The following DTX2 variants were observed in gnomAD, a reference collection of about 807,000 sequenced individuals.
The protein encoded by DTX2 is probable E3 ubiquitin-protein ligase DTX2.
Under a neutral mutation model 55.3 loss-of-function variants are expected in DTX2, and 29 were observed. The ratio of observed to expected loss-of-function variants is 0.52; its 90% CI spans 0.39 to 0.71. DTX2 has a LOEUF of 0.71. DTX2 is among the 30% of genes least tolerant of loss of function. DTX2 has a pLI of 0.00. For synonymous variants in DTX2, 276 were observed against 340.4 expected, an observed-to-expected ratio of 0.81 and a Z score of 2.08; for missense variants, 537 against 822.5, an observed-to-expected ratio of 0.65 and a Z score of 4.25.
chr7:76,500,005 G>A, intron 6 of DTX2: 1 of 391,036 alleles, frequency 2.6e-6, no homozygotes, highest in Non-Finnish European at 5.1e-6. Flanking sequence ...CCTTGTCCCT[G>A]TGATGTTCAT....
intron 2 of DTX2, among the ~76,000 whole-genome samples, chr7:76,480,176 A>T (rs984552502): frequency 4.9e-5 from 7 of 143,222 alleles, no homozygotes; most frequent in South Asian, 4.8e-4. Context: ...GTGGTGGTGA[A>T]TGCCTATTGT....
At chr7:76,486,846 G>GGCTGCTGCTGCT (rs370235862) in intron 4 of DTX2, among the ~76,000 whole-genome samples, 14 of 79,904 alleles carry the variant, frequency 1.8e-4, no homozygotes, top group East Asian at 2.9e-4. Context: ...TGTTGTGGTG[G>GGCTGCTGCTGCT]GCTGCTGCTG....
In DTX2 at chr7:76,505,526, C is replaced by T. The variant is rs766544115; in HGVS notation, c.1794C>T (p.Asp598=). ...DRNITGHGYP[D]PNYLQNVLAE... ...ACATTACGGGCCACGGCTATCCCGA[C>T]CCCAACTACCTGCAGAACGTGCTGG... The change falls in exon 11 of 11, where the codon GAC becomes GAT. Residue 598 remains aspartate (D), a synonymous_variant. Transcript: ENST00000430490. This position sits in a 1 kb window ranked among gnomAD's most constrained non-coding sequence, Gnocchi z 4.4. The T allele has an allele frequency of 1.3e-5, 21 of 1,609,488 alleles. 1 individual carries two copies. In the South Asian group the frequency reaches 2.1e-4, roughly 16 times the overall value.
Position 76,482,626 on chromosome 7 carries a change from T to A in DTX2, c.387T>A (p.Cys129Ter). Residue 129 changes from cysteine to a stop codon, truncating the protein, a stop_gained, in exon 4 of 11, where the codon TGT becomes TGA. Transcript: ENST00000430490. LOFTEE classifies it high-confidence loss of function. ...GSWTAYEASV[C>*]DYLEQQVARG... ...GGACTGCCTATGAAGCCAGCGTCTGTGACTATCTGGAGCAGCAGGTGGCCA... is the reference window on the plus strand; with the variant it reads ...GGACTGCCTATGAAGCCAGCGTCTGAGACTATCTGGAGCAGCAGGTGGCCA... 6.2e-7 allele frequency: 1 copy of A among 1,613,786 alleles called. No individual in the cohort carries two copies. Among genetic ancestry groups the A allele is most frequent in the Non-Finnish European group, 8.5e-7 (1 of 1,179,818 alleles).
intron 2 of DTX2, among the ~76,000 whole-genome samples, chr7:76,469,607 A>T (rs1465793952): frequency 6.7e-6 from 1 of 149,606 alleles, no homozygotes; most frequent in Non-Finnish European, 1.5e-5. Context: ...ATTAGCCAGG[A>T]TGGTCTCGCT....
chr7:76,481,439 G>A (rs1392215639), intron 3 of DTX2, among the ~76,000 whole-genome samples: 2 of 152,068 alleles, frequency 1.3e-5, no homozygotes, highest in Non-Finnish European at 2.9e-5. Context: ...TGCCTGCCTC[G>A]GCCTCCCAAA....
chr7:76,474,324 A>C (rs1170327557), intron 2 of DTX2, among the ~76,000 whole-genome samples: 1 of 151,446 alleles, frequency 6.6e-6, no homozygotes, highest in East Asian at 1.9e-4. Context: ...CAAAACGCTG[A>C]GATTACAGGT....
chr7:76,502,168 C>T (rs1223726773), intron 7 of DTX2, 130 bp from the exon 8 acceptor site: 9 of 836,652 alleles, frequency 1.1e-5, no homozygotes, highest in East Asian at 5.5e-5. Context: ...TGAGCCACTG[C>T]GCCTGGCCTC....
chr7:76,493,742 C>T (rs1426949030), intron 5 of DTX2, among the ~76,000 whole-genome samples: 3 of 137,024 alleles, frequency 2.2e-5, no homozygotes, highest in African/African-American at 5.4e-5. Context: ...TGACCAGCTT[C>T]GAGGCAGTGG....
At chr7:76,465,146 C>T (rs1364329729) in intron 2 of DTX2, among the ~76,000 whole-genome samples, 2 of 146,908 alleles carry the variant, frequency 1.4e-5, no homozygotes, top group African/African-American at 5.4e-5. Flanking sequence ...ATCCAGGCAT[C>T]GTGGGAAGTG....
chr7:76,479,727 G>T (rs562598877), intron 2 of DTX2, among the ~76,000 whole-genome samples: 1 of 151,838 alleles, frequency 6.6e-6, no homozygotes, highest in East Asian at 1.9e-4. Flanking sequence ...GGAGGTTGCA[G>T]TGAGCCGAGA....
chr7:76,494,745 G>A (rs554628363), intron 5 of DTX2, among the ~76,000 whole-genome samples: 280 of 125,488 alleles, frequency 2.2e-3, no homozygotes, highest in Non-Finnish European at 3.9e-3. Flanking sequence ...GGAAATAGGA[G>A]AGCCTGGAGG....
chr7:76,472,406 A>G (rs1345900574), intron 2 of DTX2, among the ~76,000 whole-genome samples: 2 of 134,078 alleles, frequency 1.5e-5, no homozygotes, highest in Non-Finnish European at 3.2e-5. Context: ...GGCTCACTGC[A>G]ACCTCCGCCT....
rs750563156 is a variant in DTX2, at chr7:76,482,994, T to C, written c.755T>C (p.Leu252Pro). Residue 252 changes from leucine (L) to proline (P), a missense_variant, in exon 4 of 11, where the codon CTC (leucine) becomes CCC (proline). Physicochemically the swap from Leu to Pro is moderately conservative, Grantham distance 98 (BLOSUM62 -3). Transcript: ENST00000430490. ...TTTGCACCGTACAACAAACCCTCAC[T>C]CTCCGGGGCCCGGTCTGCGCCCAGG... ...QAFAPYNKPS[L>P]SGARSAPRLN... 3 of 1,613,318 alleles carry C rather than the reference T, an allele frequency of 1.9e-6. No individual in the cohort carries two copies. Among genetic ancestry groups the C allele is most frequent in the Admixed American group, 1.7e-5 (1 of 59,940 alleles).
At chr7:76,494,991 A>G (rs1810769815) in intron 5 of DTX2, among the ~76,000 whole-genome samples, 1 of 138,704 alleles carries the variant, frequency 7.2e-6, no homozygotes, top group Non-Finnish European at 1.6e-5. Flanking sequence ...CCAGGAGGTC[A>G]TGCTTTGGAA....
rs764156140 is a variant in DTX2, at chr7:76,482,782, G to A, written c.543G>A (p.Pro181=). ...SVRRQAGPPY[P]VTTIIAPPGH... is the part of the protein sequence containing the mutation. ...GGCGCCAAGCAGGGCCGCCTTACCC[G>A]GTGACCACCATCATCGCTCCGCCGG... is the stretch of plus-strand genomic sequence containing the variant. Residue 181 remains proline, a synonymous_variant, in exon 4 of 11, where the codon CCG becomes CCA. Transcript: ENST00000430490. 4,407 of 1,611,278 alleles carry A rather than the reference G, an allele frequency of 2.7e-3. 15 individuals carry two copies. Among genetic ancestry groups the A allele is most frequent in the African/African-American group, 0.01 (765 of 73,726 alleles).
intron 2 of DTX2, among the ~76,000 whole-genome samples, chr7:76,472,396 G>A (rs1324301711): frequency 2.3e-5 from 3 of 130,558 alleles, no homozygotes; most frequent in Non-Finnish European, 4.9e-5. Context: ...TGCAGTTCTC[G>A]GCTCACTGCA....
chr7:76,502,632 CCTGCCCTACTCTTCTAGGT>C (rs1301028546), intron 8 of DTX2, among the ~76,000 whole-genome samples, 176 bp downstream of exon 8: 18 of 152,294 alleles, frequency 1.2e-4, no homozygotes, highest in Admixed American at 7.8e-4. Context: ...CTCTCCTAGG[CCTGCCCTACTCTTCTAGGT>C]CTGCCCCACA....
intron 5 of DTX2, among the ~76,000 whole-genome samples, chr7:76,494,510 C>T (rs1810710250): frequency 1.2e-5 from 1 of 82,914 alleles, no homozygotes; most frequent in African/African-American, 6.2e-5. Context: ...TGACAGTGAG[C>T]GACCTCTGAG....
Sources: allele counts gnomAD v4.1 joint callset (sites outside exome capture counted in the v4.1 genomes callset), GRCh38; gene constraint gnomAD v4.1.1; non-coding constraint Gnocchi (gnomAD v3.1); transcripts MANE v1.5; gene names NCBI Gene and HGNC (gene_info 2026-07-23, HGNC 2026-07-21).